Variants in PCOLCE2 observed in about 807,000 individuals in gnomAD.
The protein encoded by PCOLCE2 is procollagen C-endopeptidase enhancer 2.
A neutral mutation model predicts 47.0 loss-of-function variants in PCOLCE2; 42 were observed. The ratio of observed to expected loss-of-function variants is 0.89; its 90% CI spans 0.70 to 1.16. The LOEUF (loss-of-function observed/expected upper bound fraction) is 1.16, where lower values mean the gene tolerates loss of function less well. Among genes scored for constraint, PCOLCE2 ranks in the 50% most tolerant of loss-of-function variants. The probability of loss-of-function intolerance (pLI) is 0.00; values close to 1 mark genes in which losing one functional copy is unlikely to be tolerated. For synonymous variants in PCOLCE2, 169 were observed against 191.7 expected (o/e 0.88, Z 0.98); for missense variants, 500 against 526.1 (o/e 0.95, Z 0.49).
At chr3:142,864,910 G>A (rs1933251885) in intron 2 of PCOLCE2, among the ~76,000 whole-genome samples, 1 of 152,146 alleles carries the variant, frequency 6.6e-6, no homozygotes, top group Non-Finnish European at 1.5e-5. Context: ...CTGTTGATGG[G>A]TATTTGAAAT....
intron 5 of PCOLCE2, among the ~76,000 whole-genome samples, chr3:142,833,689 TCA>T (rs1362727778): frequency 6.6e-6 from 1 of 152,190 alleles, no homozygotes; most frequent in African/African-American, 2.4e-5. Flanking sequence ...TCGTACCAAT[TCA>T]CACACCTTTC....
chr3:142,824,412 C>T (rs1937050808), intron 6 of PCOLCE2, among the ~76,000 whole-genome samples: 1 of 152,124 alleles, frequency 6.6e-6, no homozygotes, highest in African/African-American at 2.4e-5. Context: ...ATAAATAGTG[C>T]TGAGGTAGAG....
intron 1 of PCOLCE2, 30 bp downstream of exon 1, chr3:142,888,784 G>A (rs28401218): frequency 2.9e-6 from 4 of 1,375,496 alleles, no homozygotes; most frequent in Non-Finnish European, 3.9e-6. Flanking sequence ...GGAAAGGAGA[G>A]AAAGGGAGCC....
At chr3:142,864,540 T>C (rs766529832) in intron 2 of PCOLCE2, 2 of 152,200 alleles carry the variant, frequency 1.3e-5, no homozygotes, top group Non-Finnish European at 2.9e-5. Context: ...AATAACCCAC[T>C]CATTTTAAAG....
At chr3:142,868,799 G>A (rs1487232885) in intron 2 of PCOLCE2, among the ~76,000 whole-genome samples, 1 of 152,188 alleles carries the variant, frequency 6.6e-6, no homozygotes, top group Non-Finnish European at 1.5e-5. Context: ...TGTCAAGTGT[G>A]TGCTCACCAT....
chr3:142,832,617 G>T (rs1472288429), intron 5 of PCOLCE2, among the ~76,000 whole-genome samples: 1 of 152,048 alleles, frequency 6.6e-6, no homozygotes, highest in Non-Finnish European at 1.5e-5. Flanking sequence ...AACCCACCCA[G>T]GACATTCATT....
intron 2 of PCOLCE2, among the ~76,000 whole-genome samples, chr3:142,875,340 G>A (rs1198938204): frequency 6.6e-6 from 1 of 152,144 alleles, no homozygotes; most frequent in African/African-American, 2.4e-5. Context: ...ATCTACATTG[G>A]CCTAGAAAGC....
intron 3 of PCOLCE2, among the ~76,000 whole-genome samples, chr3:142,844,241 A>G (rs1937299600): frequency 6.6e-6 from 1 of 152,158 alleles, no homozygotes; most frequent in Non-Finnish European, 1.5e-5. Context: ...CCAGTTCTCT[A>G]CACTACTTTT....
Position 142,888,987 on chromosome 3 carries a change from A to C in PCOLCE2, c.-91T>G. ...CCACCGCGCTCACACCGCCGCTCAC[A>C]CTGGCAGCAGCGCTGGCTCACACCG... On this transcript the variant is annotated 5_prime_UTR_variant, in exon 1 of 9. Coordinates refer to ENST00000295992, the MANE Select transcript of PCOLCE2 (RefSeq NM_013363.4). 1.6e-6 allele frequency: 1 copy of C among 609,686 alleles called. No individual in the cohort carries two copies. The highest frequency in any genetic ancestry group is 2.5e-6 in the Non-Finnish European group (1 of 400,674). The allele number at this position is 609,686 out of a possible 1,614,324, so 37.8% of individuals were successfully genotyped here. A position where few individuals can be genotyped will look rare whatever the true frequency, so the allele number is the denominator to read the frequency against.
intron 2 of PCOLCE2, 133 bp from the exon 3 acceptor site, chr3:142,848,605 C>A (rs1937355890): frequency 2.6e-6 from 2 of 776,678 alleles, no homozygotes; most frequent in Non-Finnish European, 3.9e-6. Flanking sequence ...TCTGAACTAA[C>A]CCAAGGGAAG....
intron 7 of PCOLCE2, 144 bp from the exon 8 acceptor site, chr3:142,821,189 T>C (rs1447427155): frequency 1.6e-6 from 1 of 639,714 alleles, no homozygotes; most frequent in Non-Finnish European, 2.7e-6. Context: ...TCACATTTGC[T>C]TCTGTACATT....
chr3:142,861,002 T>A (rs1933172068), intron 2 of PCOLCE2, among the ~76,000 whole-genome samples: 1 of 152,238 alleles, frequency 6.6e-6, no homozygotes, highest in Admixed American at 6.5e-5. Context: ...CTGGAGATCA[T>A]CCTCCTTTAG....
intron 2 of PCOLCE2, among the ~76,000 whole-genome samples, chr3:142,863,443 G>A (rs994704121): frequency 1.3e-5 from 2 of 152,172 alleles, no homozygotes; most frequent in African/African-American, 4.8e-5. Flanking sequence ...TGGTTTCAGG[G>A]GAAAAACATT....
At chr3:142,855,385 T>C (rs1933041738) in intron 2 of PCOLCE2, among the ~76,000 whole-genome samples, 1 of 152,172 alleles carries the variant, frequency 6.6e-6, no homozygotes, top group Non-Finnish European at 1.5e-5. Context: ...GCACATACTT[T>C]TATATAAAAA....
chr3:142,874,968 G>T (rs1317635061), intron 2 of PCOLCE2, among the ~76,000 whole-genome samples: 1 of 152,136 alleles, frequency 6.6e-6, no homozygotes, highest in Non-Finnish European at 1.5e-5. Flanking sequence ...TTACTTCTAA[G>T]AAATACAGTT....
chr3:142,826,543 T>C (rs1332325603), intron 6 of PCOLCE2, among the ~76,000 whole-genome samples: 5 of 152,242 alleles, frequency 3.3e-5, no homozygotes, highest in African/African-American at 1.2e-4. Flanking sequence ...CCTTCTTCTT[T>C]GCTAGTTACT....
At chr3:142,824,115 T>C (rs971100042) in intron 6 of PCOLCE2, among the ~76,000 whole-genome samples, 1 of 152,216 alleles carries the variant, frequency 6.6e-6, no homozygotes, top group Admixed American at 6.5e-5. Context: ...CATCTGTAAT[T>C]AGATGCAACC....
rs62278509 is a variant in PCOLCE2 at position 142,839,312 on chromosome 3, T to C, written c.574-406A>G. ...TAATAAACTTCAAAATTGCTGAGAG[T>C]AAATTTTTTTTTTTTTTGAGACAGA... On this transcript the variant is annotated intron_variant, in intron 4 of 8. Coordinates refer to ENST00000295992, the MANE Select transcript of PCOLCE2 (RefSeq NM_013363.4). Among the ~76,000 whole-genome samples, 15 of 151,626 alleles carry C rather than the reference T, an allele frequency of 9.9e-5. No homozygotes were observed. In the East Asian group the frequency reaches 2.9e-3, roughly 29 times the overall value.
intron 8 of PCOLCE2, among the ~76,000 whole-genome samples, chr3:142,820,189 C>G (rs560249597): frequency 6.6e-6 from 1 of 151,952 alleles, no homozygotes; most frequent in African/African-American, 2.4e-5. Flanking sequence ...AATCCTCCCA[C>G]CTCGGCCTCC....
Sources: allele counts gnomAD v4.1 joint callset (sites outside exome capture counted in the v4.1 genomes callset), GRCh38; gene constraint gnomAD v4.1.1; transcripts MANE v1.5; gene names NCBI Gene and HGNC (gene_info 2026-07-23, HGNC 2026-07-21).